DAB1: variants seen among roughly 807,000 people sequenced by gnomAD.
The protein encoded by DAB1 is disabled homolog 1.
In DAB1, 15 loss-of-function variants were observed where a neutral mutation model predicts 64.6. The observed-to-expected ratio is 0.23, with a 90% CI of 0.16 to 0.36. The LOEUF is 0.36. DAB1 is among the 10% of genes least tolerant of loss of function. The probability of loss-of-function intolerance (pLI) is 1.00; values close to 1 mark genes in which losing one functional copy is unlikely to be tolerated. For missense variants in DAB1, 596 were observed against 706.7 expected, an observed-to-expected ratio of 0.84 and a Z score of 1.78; for synonymous variants, 235 against 251.9, an observed-to-expected ratio of 0.93 and a Z score of 0.64.
intron 5 of DAB1, among the ~76,000 whole-genome samples, chr1:58,046,291 G>T (rs1647253138): frequency 6.6e-6 from 1 of 152,124 alleles, no homozygotes; most frequent in Non-Finnish European, 1.5e-5. Flanking sequence ...ATATCCAATT[G>T]GCTATAACTA....
intron 5 of DAB1, among the ~76,000 whole-genome samples, chr1:57,929,035 A>T (rs1168596246): frequency 1.3e-5 from 2 of 152,236 alleles, no homozygotes; most frequent in African/African-American, 4.8e-5. Flanking sequence ...CAAAGTGGCT[A>T]TACCATGTTG....
intron 2 of DAB1, among the ~76,000 whole-genome samples, chr1:57,208,763 C>T (rs932333853): frequency 6.6e-6 from 1 of 152,144 alleles, no homozygotes; most frequent in African/African-American, 2.4e-5. Flanking sequence ...TTTTCATCCC[C>T]ATTTTGTAGA....
At chr1:57,731,489 TA>T (rs562415767) in intron 6 of DAB1, among the ~76,000 whole-genome samples, 31 of 151,776 alleles carry the variant, frequency 2.0e-4, no homozygotes, top group African/African-American at 5.6e-4. Context: ...CTTACCACAA[TA>T]AAAAATGAAA....
At chr1:57,477,921 A>G (rs1643958606) in intron 7 of DAB1, among the ~76,000 whole-genome samples, 1 of 151,968 alleles carries the variant, frequency 6.6e-6, no homozygotes, top group South Asian at 2.1e-4. Context: ...TTTTTTTAAT[A>G]CTTTAAGTTC....
chr1:58,450,628 C>A (rs567645956), intron 3 of DAB1, among the ~76,000 whole-genome samples: 1 of 152,158 alleles, frequency 6.6e-6, no homozygotes, highest in African/African-American at 2.4e-5. Flanking sequence ...GTGGCAGGCA[C>A]CTGTAGTCCC....
At chr1:57,317,390 C>T (rs919711127) in intron 1 of DAB1, among the ~76,000 whole-genome samples, 1 of 152,178 alleles carries the variant, frequency 6.6e-6, no homozygotes, top group Non-Finnish European at 1.5e-5. Context: ...TTTTAAACTG[C>T]TACATGTTAG....
At chr1:57,886,773 T>G (rs909774505), upstream of DAB1, among the ~76,000 whole-genome samples, 1 of 152,172 alleles carries the variant, frequency 6.6e-6, no homozygotes, top group Non-Finnish European at 1.5e-5. Context: ...AGTTCTAGTC[T>G]TGGTCCTGAT....
At chr1:57,908,969 C>CT (rs1644600079) in intron 5 of DAB1, among the ~76,000 whole-genome samples, 1 of 143,234 alleles carries the variant, frequency 7.0e-6, no homozygotes, top group Admixed American at 7.3e-5. Context: ...GTCTATTTTC[C>CT]TTTAAAAAAA....
intron 1 of DAB1, among the ~76,000 whole-genome samples, chr1:57,858,597 C>A (rs1233568409): frequency 6.6e-6 from 1 of 151,662 alleles, no homozygotes; most frequent in African/African-American, 2.4e-5. Flanking sequence ...CTCTGCCAGG[C>A]CAGGTGCTTG....
chr1:57,381,521 G>A (rs1681373896), intron 1 of DAB1, among the ~76,000 whole-genome samples: 1 of 152,166 alleles, frequency 6.6e-6, no homozygotes, highest in Non-Finnish European at 1.5e-5. Flanking sequence ...CATGCAGAAT[G>A]CTTGCTGTGT....
chr1:58,392,710 C>A (rs899902481), intron 3 of DAB1, among the ~76,000 whole-genome samples: 1 of 152,236 alleles, frequency 6.6e-6, no homozygotes, highest in Non-Finnish European at 1.5e-5. Flanking sequence ...GATTCCCAAA[C>A]CTCAGCACTT....
At chr1:58,250,409 C>T (rs1296323573) in intron 4 of DAB1, among the ~76,000 whole-genome samples, 1 of 152,256 alleles carries the variant, frequency 6.6e-6, no homozygotes, top group African/African-American at 2.4e-5. Context: ...GGGATGCTCA[C>T]TCCTAGCGGC....
intron 3 of DAB1, among the ~76,000 whole-genome samples, chr1:58,387,684 G>A (rs1263896124): frequency 6.6e-6 from 1 of 150,972 alleles, no homozygotes; most frequent in Non-Finnish European, 1.5e-5. Flanking sequence ...GTTATTTGAC[G>A]AGATTTCTAG....
intron 4 of DAB1, among the ~76,000 whole-genome samples, chr1:58,182,700 T>C (rs918829750): frequency 6.6e-6 from 1 of 152,014 alleles, no homozygotes; most frequent in Admixed American, 6.6e-5. Flanking sequence ...TAATAATACT[T>C]TCCATTCACT....
intron 7 of DAB1, among the ~76,000 whole-genome samples, chr1:57,533,286 A>G (rs1570602644): frequency 6.7e-6 from 1 of 148,288 alleles, no homozygotes; most frequent in Non-Finnish European, 1.5e-5. Context: ...CAAAACCTCC[A>G]CTTTCACTAT....
At chr1:57,706,868 T>A (rs909801831) in intron 6 of DAB1, among the ~76,000 whole-genome samples, 1 of 151,536 alleles carries the variant, frequency 6.6e-6, no homozygotes, top group Non-Finnish European at 1.5e-5. Flanking sequence ...AGGTCAGGAG[T>A]TCGAGACCAG....
intron 7 of DAB1, among the ~76,000 whole-genome samples, chr1:57,583,327 C>CACT (rs1645337328): frequency 1.3e-5 from 2 of 149,648 alleles, no homozygotes; most frequent in African/African-American, 5.0e-5. Context: ...CGCCCTGTAG[C>CACT]CCAGGCTGGA....
At chr1:57,020,033 T>G (rs1383567509) in intron 11 of DAB1, among the ~76,000 whole-genome samples, 1 of 152,212 alleles carries the variant, frequency 6.6e-6, no homozygotes. Context: ...ATGGATTCAT[T>G]CATTCAAAAA....
chr1:58,434,154 A>G (rs1644915223), intron 3 of DAB1, among the ~76,000 whole-genome samples: 2 of 152,200 alleles, frequency 1.3e-5, no homozygotes, highest in Non-Finnish European at 2.9e-5. Flanking sequence ...GAAAAGTGAC[A>G]TTATCTGACT....
Sources: gnomAD v4.1 joint callset for allele counts (sites outside exome capture counted in the v4.1 genomes callset) on GRCh38, gnomAD v4.1.1 for gene constraint, MANE v1.5 for transcripts, NCBI Gene and HGNC (gene_info 2026-07-23, HGNC 2026-07-21) for gene names.